TMIGD3: variants seen among roughly 807,000 people sequenced by gnomAD.
TMIGD3 encodes the protein AD026 protein (AD026).
In TMIGD3, 21 loss-of-function variants were observed where a neutral mutation model predicts 28.1. That is an observed-to-expected ratio of 0.75 (90% CI 0.53 to 1.08). The LOEUF (loss-of-function observed/expected upper bound fraction) is 1.08. Among genes scored for constraint, TMIGD3 ranks in the 50% least tolerant of loss-of-function variants. The probability of loss-of-function intolerance (pLI) is 0.00; values close to 1 mark genes in which losing one functional copy is unlikely to be tolerated. For synonymous variants in TMIGD3, 151 were observed against 162.1 expected (o/e 0.93, Z 0.52); for missense variants, 416 against 435.6 (o/e 0.96, Z 0.40).
In TMIGD3 at chr1:111,500,446, G is replaced by T; in HGVS notation, c.350+2559C>A. The T allele has an allele frequency of 1.9e-6, 3 of 1,614,198 alleles. No individual in the cohort carries two copies. The South Asian group carries it at 3.3e-5, about 18-fold the overall frequency. ...GGTGACATTTCTGTGGTACTCTGAG[G>T]TCAGTTTCATGTTCCAGCCAAACAT... is the stretch of plus-strand genomic sequence containing the variant. On this transcript the variant is annotated intron_variant, in intron 1 of 5. Coordinates refer to ENST00000369716, the MANE Select transcript of TMIGD3 (RefSeq NM_020683.7).
At chr1:111,520,926 G>GT (rs1656035891) in intron 1 of TMIGD3, among the ~76,000 whole-genome samples, 1 of 152,198 alleles carries the variant, frequency 6.6e-6, no homozygotes, top group Non-Finnish European at 1.5e-5. Context: ...GTATACACCT[G>GT]TGAAACCATC....
chr1:111,543,057 C>T (rs1197056102), intron 1 of TMIGD3, among the ~76,000 whole-genome samples: 4 of 152,240 alleles, frequency 2.6e-5, no homozygotes, highest in African/African-American at 9.6e-5. Context: ...TGTAGATTCT[C>T]CCAGTGGGTT....
At chr1:111,525,334 T>C (rs1449074578) in intron 1 of TMIGD3, among the ~76,000 whole-genome samples, 2 of 152,268 alleles carry the variant, frequency 1.3e-5, no homozygotes, top group Admixed American at 6.5e-5. Context: ...TCGTTTCATG[T>C]ATTTTGAAGC....
chr1:111,563,277 A>AAAATAAAT (rs373749625), intron 1 of TMIGD3, among the ~76,000 whole-genome samples: 19 of 151,862 alleles, frequency 1.3e-4, no homozygotes, highest in African/African-American at 4.1e-4. Context: ...TCCTGTCTCA[A>AAAATAAAT]AAATAAATAA....
At chr1:111,538,830 G>A (rs1467444717) in intron 1 of TMIGD3, among the ~76,000 whole-genome samples, 1 of 152,194 alleles carries the variant, frequency 6.6e-6, no homozygotes, top group Non-Finnish European at 1.5e-5. Context: ...CCTTTGGAAT[G>A]ACCTGAACTT....
At chr1:111,523,948 T>A (rs989169192) in intron 1 of TMIGD3, among the ~76,000 whole-genome samples, 1 of 151,688 alleles carries the variant, frequency 6.6e-6, no homozygotes, top group Admixed American at 6.6e-5. Context: ...TTTCACTGAT[T>A]TATGCTGTTA....
intron 1 of TMIGD3, among the ~76,000 whole-genome samples, chr1:111,547,423 G>A (rs1657073898): frequency 6.6e-6 from 1 of 151,624 alleles, no homozygotes; most frequent in African/African-American, 2.4e-5. Flanking sequence ...TTCATTTCTG[G>A]AATAAACTCC....
In TMIGD3 at chr1:111,488,772, A is replaced by G. The variant is rs1557815674; in HGVS notation, c.710T>C (p.Ile237Thr). 2 of 1,614,218 alleles carry G rather than the reference A, an allele frequency of 1.2e-6. No homozygotes were observed. The highest frequency in any genetic ancestry group is 8.5e-7 in the Non-Finnish European group (1 of 1,180,042). ...GTCATCCCTGGCAAAGTCCCGCTGG[A>G]TGCCACACCAGTACCAGCCCGTGTC... is the stretch of plus-strand genomic sequence containing the variant. ...KEDTGWYWCG[I>T]QRDFARDDMD... Residue 237 changes from isoleucine (I) to threonine (T), a missense_variant, in exon 3 of 6, where the codon ATC becomes ACC. Transcript: ENST00000369716.
chr1:111,525,325 C>T (rs975652183), intron 1 of TMIGD3, among the ~76,000 whole-genome samples: 3 of 152,102 alleles, frequency 2.0e-5, no homozygotes, highest in Admixed American at 6.5e-5. Flanking sequence ...TAACAGTTTT[C>T]GTTTCATGTA....
At chr1:111,539,848 A>G (rs931250930) in intron 1 of TMIGD3, among the ~76,000 whole-genome samples, 12 of 152,230 alleles carry the variant, frequency 7.9e-5, no homozygotes, top group African/African-American at 2.9e-4. Flanking sequence ...AGTGACAGCA[A>G]TAAGGCAAAA....
chr1:111,548,536 C>T (rs540514375), intron 1 of TMIGD3, among the ~76,000 whole-genome samples: 90 of 152,324 alleles, frequency 5.9e-4, no homozygotes, highest in Middle Eastern at 3.4e-3. Context: ...GGAAAGTTTG[C>T]ACAACTTTAA....
Position 111,503,419 on chromosome 1 carries a change from T to A in TMIGD3, c.-65A>T, listed in dbSNP as rs934045709. 6.5e-7 allele frequency: 1 copy of A among 1,529,498 alleles called. No individual in the cohort carries two copies. Among genetic ancestry groups the A allele is most frequent in the Non-Finnish European group, 8.8e-7 (1 of 1,133,354 alleles). 94.7% of individuals were successfully genotyped at this position (1,529,498 alleles called of 1,614,324 possible). A position where few individuals can be genotyped will look rare whatever the true frequency, so the allele number is the denominator to read the frequency against. On this transcript the variant is annotated 5_prime_UTR_variant, in exon 1 of 6. Coordinates refer to ENST00000369716, the MANE Select transcript of TMIGD3 (RefSeq NM_020683.7). ...CAGCAAGATCCGTCTGTAGGGCCAG[T>A]GGGCCTAGCTCTCGCCAGACGTCTT...
chr1:111,545,956 T>C (rs1010911472), intron 1 of TMIGD3, among the ~76,000 whole-genome samples: 1 of 152,178 alleles, frequency 6.6e-6, no homozygotes, highest in African/African-American at 2.4e-5. Flanking sequence ...TTCTGAACTT[T>C]CGGTTTAATT....
At chr1:111,536,104 T>C (rs2798565) in intron 1 of TMIGD3, among the ~76,000 whole-genome samples, 145,827 of 152,268 alleles carry the variant, frequency 0.96, 70,068 homozygotes, top group Non-Finnish European at 1. Flanking sequence ...ACGGGATCCT[T>C]TAAACCAGTG....
chr1:111,559,496 C>T (rs1657645623), intron 1 of TMIGD3, among the ~76,000 whole-genome samples: 1 of 152,228 alleles, frequency 6.6e-6, no homozygotes, highest in South Asian at 2.1e-4. Flanking sequence ...TTTTCCAGTA[C>T]CCAGCTGTGT....
At chr1:111,539,241 G>A (rs542604168) in intron 1 of TMIGD3, among the ~76,000 whole-genome samples, 3 of 152,286 alleles carry the variant, frequency 2.0e-5, no homozygotes, top group Admixed American at 6.5e-5. Context: ...TTCAGCCCAT[G>A]CCTGCCTCCT....
intron 1 of TMIGD3, among the ~76,000 whole-genome samples, chr1:111,526,852 C>G (rs560954385): frequency 6.6e-6 from 1 of 152,250 alleles, no homozygotes; most frequent in Admixed American, 6.5e-5. Context: ...GCCCACCAAC[C>G]TCTGGAAGCC....
chr1:111,556,604 A>G (rs900154248), intron 1 of TMIGD3, among the ~76,000 whole-genome samples: 5 of 152,240 alleles, frequency 3.3e-5, no homozygotes, highest in African/African-American at 9.6e-5. Flanking sequence ...AAGCTACGAC[A>G]TGGATGAAAC....
At chr1:111,507,477 C>G (rs778085642), upstream of TMIGD3, among the ~76,000 whole-genome samples, 5 of 152,118 alleles carry the variant, frequency 3.3e-5, no homozygotes, top group Non-Finnish European at 7.3e-5. Flanking sequence ...CTTGGGGTTC[C>G]GCTTAATAAT....
Sources: gnomAD v4.1 joint callset for allele counts (sites outside exome capture counted in the v4.1 genomes callset) on GRCh38, gnomAD v4.1.1 for gene constraint, MANE v1.5 for transcripts, NCBI Gene and HGNC (gene_info 2026-07-23, HGNC 2026-07-21) for gene names.